Variants in KCNMA1 observed in about 807,000 individuals in gnomAD.
The protein encoded by KCNMA1 is Calcium-activated potassium channel subunit alpha-1.
A neutral mutation model predicts 140.0 loss-of-function variants in KCNMA1; 29 were observed. The ratio of observed to expected loss-of-function variants is 0.21; its 90% confidence interval spans 0.15 to 0.28. The LOEUF (loss-of-function observed/expected upper bound fraction) is 0.28, where lower values mean the gene tolerates loss of function less well. Among genes scored for constraint, KCNMA1 ranks in the 10% least tolerant of loss-of-function variants. The pLI, the probability that KCNMA1 is intolerant of heterozygous loss-of-function variation, is 1.00. For missense variants in KCNMA1, 880 were observed against 1,602.2 expected, an observed-to-expected ratio of 0.55 and a Z score of 7.70; for synonymous variants, 612 against 611.9, an observed-to-expected ratio of 1.00 and a Z score of 0.00.
chr10:77,110,351 A>G lies in KCNMA1; in HGVS notation c.961-8T>C. On this transcript the variant is annotated splice_region_variant and splice_polypyrimidine_tract_variant and intron_variant, in intron 7 of 27. Transcript: ENST00000286628. ...GTCCCCTGAATTCTCCACCTAAAGC[A>G]AATGGGACAGGGGAGAAAAAAGAAA... 1.9e-6 allele frequency: 3 copies of G among 1,612,284 alleles called. No individual in the cohort carries two copies. Among genetic ancestry groups the G allele is most frequent in the Non-Finnish European group, 2.5e-6 (3 of 1,178,294 alleles).
chr10:76,883,932 ATCCTTC>A, downstream of KCNMA1: 1 of 844,598 alleles, frequency 1.2e-6, no homozygotes, highest in Non-Finnish European at 1.4e-6. Context: ...AGTAGTAATG[ATCCTTC>A]TCCATCATCA....
At position 77,079,359 on chromosome 10, in the gene KCNMA1, G is replaced by T. The variant is rs952956334; in HGVS notation, c.1593+122C>A. ...CAGGTCTTTGAGTTGCGCACATGTGGGCATGTGAGAGTGTGTGTGTGTGTG... is the reference window on the plus strand; with the variant it reads ...CAGGTCTTTGAGTTGCGCACATGTGTGCATGTGAGAGTGTGTGTGTGTGTG... On this transcript the variant is annotated intron_variant, in intron 13 of 27. Coordinates refer to ENST00000286628, the MANE Select transcript of KCNMA1 (RefSeq NM_001161352.2). 9 of 663,204 alleles carry T rather than the reference G, an allele frequency of 1.4e-5. No individual in the cohort carries two copies. The East Asian group carries it at 1.8e-4, about 14-fold the overall frequency. 41.1% of individuals were successfully genotyped at this position (663,204 alleles called of 1,614,324 possible). A position where few individuals can be genotyped will look rare whatever the true frequency, so the allele number is the denominator to read the frequency against.
At chr10:77,366,112 T>TTCTTTC (rs1198101423) in intron 2 of KCNMA1, among the ~76,000 whole-genome samples, 16 of 111,892 alleles carry the variant, frequency 1.4e-4, no homozygotes, top group African/African-American at 5.6e-4. Context: ...TGTTCTTTCT[T>TTCTTTC]TCTTTCTTTT....
chr10:77,578,761 A>C (rs868111515), intron 1 of KCNMA1, among the ~76,000 whole-genome samples: 1 of 152,098 alleles, frequency 6.6e-6, no homozygotes, highest in Non-Finnish European at 1.5e-5. Context: ...TCCACCTGCC[A>C]CCACTTCCTA....
chr10:77,423,291 C>T (rs1026091710), intron 1 of KCNMA1, among the ~76,000 whole-genome samples: 1 of 152,210 alleles, frequency 6.6e-6, no homozygotes, highest in Non-Finnish European at 1.5e-5. Flanking sequence ...CTGTTTCTCA[C>T]TGAGAGACCC....
chr10:77,406,567 T>G (rs1266346410), intron 1 of KCNMA1, among the ~76,000 whole-genome samples: 2 of 152,126 alleles, frequency 1.3e-5, no homozygotes. Flanking sequence ...GCACTTCTGA[T>G]GCTGCTGGGC....
Position 76,949,055 on chromosome 10 carries a change from T to C in KCNMA1, c.2709+87A>G, listed in dbSNP as rs547845704. ...CCCAGATGAAGAAGCACAGGCATGA[T>C]CAAAGCTACAACTATTATATCCATC... On this transcript the variant is annotated intron_variant, in intron 22 of 27. Coordinates refer to ENST00000286628, the MANE Select transcript of KCNMA1 (RefSeq NM_001161352.2). 3.6e-5 allele frequency: 39 copies of C among 1,079,162 alleles called. No homozygotes were observed. In the African/African-American group the frequency reaches 5.4e-4, roughly 15 times the overall value. The allele number at this position is 1,079,162 out of a possible 1,614,324, so 66.8% of individuals were successfully genotyped here.
intron 23 of KCNMA1, among the ~76,000 whole-genome samples, chr10:76,924,964 T>C (rs12782721): frequency 0.018 from 2,743 of 152,210 alleles, 62 homozygotes; most frequent in East Asian, 0.056. Flanking sequence ...CCCACCAGCC[T>C]TACCCACTTC....
intron 1 of KCNMA1, among the ~76,000 whole-genome samples, chr10:77,549,398 T>C (rs936758057): frequency 3.3e-5 from 5 of 152,192 alleles, no homozygotes; most frequent in African/African-American, 1.2e-4. Flanking sequence ...AGTTCAATCA[T>C]CACAGAAAAG....
downstream of KCNMA1, chr10:76,884,792 A>C: frequency 1.4e-6 from 1 of 693,364 alleles, no homozygotes; most frequent in Non-Finnish European, 2.2e-6. Context: ...AGGAGAGGGA[A>C]AGGGGAGGGG....
At chr10:77,164,052 A>G (rs1404123917) in intron 5 of KCNMA1, among the ~76,000 whole-genome samples, 1 of 152,092 alleles carries the variant, frequency 6.6e-6, no homozygotes, top group Non-Finnish European at 1.5e-5. Context: ...GATATGATGT[A>G]CTCAAGCCTC....
chr10:77,427,127 A>C (rs1566780539), intron 1 of KCNMA1, among the ~76,000 whole-genome samples: 1 of 152,176 alleles, frequency 6.6e-6, no homozygotes, highest in Non-Finnish European at 1.5e-5. Context: ...ATTCTTCCCA[A>C]AGGCAGCCCT....
intron 5 of KCNMA1, among the ~76,000 whole-genome samples, chr10:77,141,668 G>A (rs1234463424): frequency 6.6e-6 from 1 of 152,226 alleles, no homozygotes; most frequent in Non-Finnish European, 1.5e-5. Flanking sequence ...GAGTGACTAT[G>A]AAAGTCTCCC....
intron 2 of KCNMA1, among the ~76,000 whole-genome samples, chr10:77,276,264 C>T (rs2066648783): frequency 6.6e-6 from 1 of 152,180 alleles, no homozygotes; most frequent in Non-Finnish European, 1.5e-5. Flanking sequence ...TCCATTGGGC[C>T]ATTGAGGCCA....
chr10:77,514,505 G>A (rs892800705), intron 1 of KCNMA1, among the ~76,000 whole-genome samples: 31 of 152,138 alleles, frequency 2.0e-4, no homozygotes, highest in African/African-American at 7.0e-4. Flanking sequence ...AAAAGGCCCA[G>A]GAGGCAGATT....
At chr10:77,547,584 C>A (rs562550756) in intron 1 of KCNMA1, among the ~76,000 whole-genome samples, 1 of 152,210 alleles carries the variant, frequency 6.6e-6, no homozygotes, top group Non-Finnish European at 1.5e-5. Flanking sequence ...GGGGTGAAAG[C>A]CTGCTTTTCT....
intron 2 of KCNMA1, among the ~76,000 whole-genome samples, chr10:77,292,039 T>G (rs1446169379): frequency 6.6e-6 from 1 of 152,188 alleles, no homozygotes; most frequent in African/African-American, 2.4e-5. Context: ...TAAAATTGTC[T>G]TCAAAGGAAT....
chr10:77,430,144 AT>A (rs1489878836), intron 1 of KCNMA1, among the ~76,000 whole-genome samples: 9 of 152,178 alleles, frequency 5.9e-5, no homozygotes, highest in Admixed American at 5.9e-4. Context: ...TCCTAAACAG[AT>A]TGCTGCAAGA....
intron 10 of KCNMA1, among the ~76,000 whole-genome samples, 179 bp from the exon 11 acceptor site, chr10:77,086,772 A>C (rs1441978890): frequency 6.6e-6 from 1 of 152,214 alleles, no homozygotes. Flanking sequence ...CCCCAGCCCA[A>C]CTGAAAACCA....
Sources: allele counts gnomAD v4.1 joint callset (sites outside exome capture counted in the v4.1 genomes callset), GRCh38; gene constraint gnomAD v4.1.1; transcripts MANE v1.5; gene names NCBI Gene and HGNC (gene_info 2026-07-23, HGNC 2026-07-21).